VWC2L: variants seen among roughly 807,000 people sequenced by gnomAD.
The protein encoded by VWC2L is von Willebrand factor C domain-containing protein 2-like.
VWC2L carries 10 observed loss-of-function variants against 21.6 expected under a neutral mutation model. That is an observed-to-expected ratio of 0.46 (90% CI 0.29 to 0.78). The LOEUF (loss-of-function observed/expected upper bound fraction) is 0.78. Ranked by LOEUF, VWC2L falls within the 30% of genes least tolerant of loss-of-function variation. The pLI, the probability that VWC2L is intolerant of heterozygous loss-of-function variation, is 0.10. For synonymous variants in VWC2L, 96 were observed against 94.3 expected, an observed-to-expected ratio of 1.02 and a Z score of -0.10; for missense variants, 209 against 277.1, an observed-to-expected ratio of 0.75 and a Z score of 1.74.
chr2:214,520,863 G>T (rs577223379), intron 3 of VWC2L, among the ~76,000 whole-genome samples: 70 of 152,210 alleles, frequency 4.6e-4, no homozygotes, highest in Middle Eastern at 3.4e-3. Context: ...TCTGGTGGTA[G>T]AATAACAGAT....
chr2:214,466,981 A>G (rs550328437), intron 3 of VWC2L, among the ~76,000 whole-genome samples: 35 of 152,252 alleles, frequency 2.3e-4, no homozygotes, highest in African/African-American at 7.7e-4. Context: ...GACATTATGA[A>G]TTTTACCTTG....
In VWC2L at chr2:214,520,957, C is replaced by G. The variant is rs981983695; in HGVS notation, c.521-54715C>G. Among the ~76,000 whole-genome samples, 3 of 152,114 alleles carry G rather than the reference C, an allele frequency of 2.0e-5. No individual in the cohort carries two copies. The East Asian group carries it at 5.8e-4, about 29-fold the overall frequency. ...ACCAAGTTTGGACTGGGTGCAGTGG[C>G]TCACACCTGTAATCCCAGCACTTTG... is the stretch of plus-strand genomic sequence containing the variant. On this transcript the variant is annotated intron_variant, in intron 3 of 3. Coordinates refer to ENST00000312504, the MANE Select transcript of VWC2L (RefSeq NM_001080500.4).
At chr2:214,436,513 G>C in intron 2 of VWC2L, 116 bp from the exon 3 acceptor site, 2 of 1,314,394 alleles carry the variant, frequency 1.5e-6, no homozygotes, top group East Asian at 2.4e-5. Context: ...ATGGTAAATG[G>C]AATTAATACA....
chr2:214,516,109 C>A (rs541757911), intron 3 of VWC2L, among the ~76,000 whole-genome samples: 1 of 152,260 alleles, frequency 6.6e-6, no homozygotes, highest in African/African-American at 2.4e-5. Context: ...CTTCCTGACT[C>A]ACATTCAGTG....
chr2:214,561,785 T>TATATATATATATATATATAC (rs1491250558), intron 3 of VWC2L, among the ~76,000 whole-genome samples: 1 of 4,058 alleles, frequency 2.5e-4, no homozygotes, highest in Admixed American at 5.6e-3. Flanking sequence ...CAAAAAAAAT[T>TATATATATATATATATATAC]ATATATATAT....
chr2:214,496,245 T>TTATTTTGGGACATATATATATATATA (rs1553594758), intron 3 of VWC2L, among the ~76,000 whole-genome samples: 2 of 142,630 alleles, frequency 1.4e-5, no homozygotes, highest in African/African-American at 2.6e-5. Context: ...TATTACAATC[T>TTATTTTGGGACATATATATATATATA]TATGGGACAA....
At chr2:214,561,060 C>T (rs1370927904) in intron 3 of VWC2L, among the ~76,000 whole-genome samples, 3 of 152,200 alleles carry the variant, frequency 2.0e-5, no homozygotes, top group Non-Finnish European at 4.4e-5. Context: ...TTCATCCAGG[C>T]ACTGCCTTAT....
chr2:214,447,506 C>A (rs994262436), intron 3 of VWC2L, among the ~76,000 whole-genome samples: 12 of 152,140 alleles, frequency 7.9e-5, no homozygotes, highest in African/African-American at 2.9e-4. Flanking sequence ...GATATAATAC[C>A]CTAAGCTTTT....
intron 3 of VWC2L, among the ~76,000 whole-genome samples, chr2:214,492,075 A>G (rs983773861): frequency 6.6e-6 from 1 of 152,262 alleles, no homozygotes; most frequent in Non-Finnish European, 1.5e-5. Context: ...CACTGTGAAT[A>G]TAACAGAAGG....
At chr2:214,458,316 CT>C (rs1476801972) in intron 3 of VWC2L, among the ~76,000 whole-genome samples, 1 of 151,796 alleles carries the variant, frequency 6.6e-6, no homozygotes, top group African/African-American at 2.4e-5. Flanking sequence ...TGAGTGTCTT[CT>C]TTTTTTCATG....
At chr2:214,527,891 C>T (rs1438922783) in intron 3 of VWC2L, among the ~76,000 whole-genome samples, 5 of 152,160 alleles carry the variant, frequency 3.3e-5, no homozygotes, top group South Asian at 2.1e-4. Flanking sequence ...GTCATCCTTA[C>T]TTATTGTTAC....
At chr2:214,562,856 A>G (rs1003072726) in intron 3 of VWC2L, among the ~76,000 whole-genome samples, 1 of 152,182 alleles carries the variant, frequency 6.6e-6, no homozygotes. Context: ...GATTCTGGAC[A>G]TTAGACCTTT....
At chr2:214,561,975 T>A (rs948469346) in intron 3 of VWC2L, among the ~76,000 whole-genome samples, 1 of 152,016 alleles carries the variant, frequency 6.6e-6, no homozygotes, top group Admixed American at 6.6e-5. Flanking sequence ...GTCTTTGAAA[T>A]CTGATGTGTT....
At chr2:214,426,171 C>CAAAAAA (rs34411661) in intron 2 of VWC2L, among the ~76,000 whole-genome samples, 3 of 69,970 alleles carry the variant, frequency 4.3e-5, no homozygotes, top group African/African-American at 4.6e-5. Context: ...GGCTTCGTCT[C>CAAAAAA]AAAAAAAAAA....
At chr2:214,439,659 C>A (rs1341496642) in intron 3 of VWC2L, among the ~76,000 whole-genome samples, 1 of 151,642 alleles carries the variant, frequency 6.6e-6, no homozygotes, top group Non-Finnish European at 1.5e-5. Context: ...TTACAACTTG[C>A]CAAAAGCATG....
At chr2:214,418,293 C>T (rs1702385811) in intron 2 of VWC2L, among the ~76,000 whole-genome samples, 1 of 152,112 alleles carries the variant, frequency 6.6e-6, no homozygotes, top group Non-Finnish European at 1.5e-5. Flanking sequence ...TTTACAATAA[C>T]ACTGTGAGAA....
At chr2:214,535,258 A>G (rs1164269775) in intron 3 of VWC2L, among the ~76,000 whole-genome samples, 1 of 152,104 alleles carries the variant, frequency 6.6e-6, no homozygotes, top group Non-Finnish European at 1.5e-5. Flanking sequence ...CATCTTTTGC[A>G]ATATCACCAG....
chr2:214,482,342 T>A (rs1688614432), intron 3 of VWC2L, among the ~76,000 whole-genome samples: 2 of 152,046 alleles, frequency 1.3e-5, no homozygotes, highest in Non-Finnish European at 2.9e-5. Context: ...GCTACTCAAT[T>A]CCTCCTCCCT....
At chr2:214,552,211 C>G (rs183271176) in intron 3 of VWC2L, among the ~76,000 whole-genome samples, 1 of 152,124 alleles carries the variant, frequency 6.6e-6, no homozygotes, top group Non-Finnish European at 1.5e-5. Flanking sequence ...TGGCTTTTTC[C>G]TTTCAGCATA....
Sources: gnomAD v4.1 joint callset for allele counts (sites outside exome capture counted in the v4.1 genomes callset) on GRCh38, gnomAD v4.1.1 for gene constraint, MANE v1.5 for transcripts, NCBI Gene and HGNC (gene_info 2026-07-23, HGNC 2026-07-21) for gene names.